ADGRB3: variants seen among roughly 807,000 people sequenced by gnomAD.
ADGRB3 encodes the protein brain-specific angiogenesis inhibitor 3.
Under a neutral mutation model 193.4 loss-of-function variants are expected in ADGRB3, and 37 were observed. The observed-to-expected ratio is 0.19, with a 90% CI of 0.15 to 0.25. The LOEUF (loss-of-function observed/expected upper bound fraction) is 0.25, where lower values mean the gene tolerates loss of function less well. ADGRB3 is among the 10% of genes least tolerant of loss of function. The probability of loss-of-function intolerance (pLI) is 1.00; values close to 1 mark genes in which losing one functional copy is unlikely to be tolerated. For missense variants in ADGRB3, 1,637 were observed against 1,852.9 expected, an observed-to-expected ratio of 0.88 and a Z score of 2.14; for synonymous variants, 690 against 644.2, an observed-to-expected ratio of 1.07 and a Z score of -1.08.
chr6:68,848,512 A>T (rs761596069), intron 3 of ADGRB3, among the ~76,000 whole-genome samples: 8 of 152,072 alleles, frequency 5.3e-5, no homozygotes, highest in Non-Finnish European at 1.0e-4. Context: ...AGTGGCTATG[A>T]TTCTGCATTA....
intron 8 of ADGRB3, among the ~76,000 whole-genome samples, chr6:68,973,081 C>A (rs1204818456): frequency 6.6e-6 from 1 of 152,056 alleles, no homozygotes; most frequent in African/African-American, 2.4e-5. Flanking sequence ...TTAATGGGAA[C>A]ATGGAATAAA....
chr6:69,031,557 T>TTCTTTCTTTCTTTCTTTCTTTCTCTCTC (rs1562129445), intron 13 of ADGRB3, among the ~76,000 whole-genome samples: 1 of 129,086 alleles, frequency 7.7e-6, no homozygotes, highest in Non-Finnish European at 1.7e-5. Flanking sequence ...TTCTTTTTCT[T>TTCTTTCTTTCTTTCTTTCTTTCTCTCTC]TCTTTCTTTT....
intron 17 of ADGRB3, among the ~76,000 whole-genome samples, chr6:69,170,540 A>G (rs1165454597): frequency 6.6e-6 from 1 of 152,168 alleles, no homozygotes; most frequent in Non-Finnish European, 1.5e-5. Context: ...TATCACAGCC[A>G]AGGAATTAAG....
chr6:68,678,758 A>G (rs1283719427), intron 3 of ADGRB3, among the ~76,000 whole-genome samples: 1 of 152,080 alleles, frequency 6.6e-6, no homozygotes, highest in Non-Finnish European at 1.5e-5. Flanking sequence ...GATTTTTGTT[A>G]CGTAAGATTG....
intron 29 of ADGRB3, among the ~76,000 whole-genome samples, chr6:69,366,489 A>T (rs561325719): frequency 6.6e-6 from 1 of 152,152 alleles, no homozygotes; most frequent in African/African-American, 2.4e-5. Context: ...ATTCCCTTTG[A>T]GAAATTATTC....
chr6:69,149,929 T>C (rs1467650900), intron 17 of ADGRB3, among the ~76,000 whole-genome samples: 1 of 67,608 alleles, frequency 1.5e-5, no homozygotes, highest in South Asian at 3.9e-4. Flanking sequence ...TCTTTCTGTG[T>C]GTGTGTGTGT....
At chr6:68,840,367 GTCTTTTTTTTTTTTTTTTT>G (rs1768128747) in intron 3 of ADGRB3, among the ~76,000 whole-genome samples, 1 of 75,542 alleles carries the variant, frequency 1.3e-5, no homozygotes, top group Non-Finnish European at 2.6e-5. Flanking sequence ...GCACTGGGCA[GTCTTTTTTTTTTTTTTTTT>G]TTTTTTTTTT....
intron 30 of ADGRB3, among the ~76,000 whole-genome samples, chr6:69,376,735 C>G (rs1582666451): frequency 6.6e-6 from 1 of 152,152 alleles, no homozygotes; most frequent in East Asian, 1.9e-4. Flanking sequence ...AGACTTCTTC[C>G]TGCGCCATCC....
chr6:68,885,207 C>G (rs945103677), intron 3 of ADGRB3, among the ~76,000 whole-genome samples: 18 of 152,006 alleles, frequency 1.2e-4, no homozygotes, highest in African/African-American at 4.1e-4. Context: ...TGTGATATTT[C>G]AAGACTAACA....
At chr6:69,041,506 G>C (rs1362366589) in intron 13 of ADGRB3, among the ~76,000 whole-genome samples, 3 of 152,048 alleles carry the variant, frequency 2.0e-5, no homozygotes, top group Non-Finnish European at 2.9e-5. Context: ...CTGTCAATTT[G>C]ATACATAAAA....
intron 3 of ADGRB3, among the ~76,000 whole-genome samples, chr6:68,810,935 TAAATGATATA>T (rs1767501473): frequency 1.3e-5 from 2 of 152,174 alleles, no homozygotes; most frequent in African/African-American, 4.8e-5. Flanking sequence ...AATACATTTT[TAAATGATATA>T]AAATGATATA....
chr6:69,331,525 C>G (rs1031227780), intron 23 of ADGRB3: 4 of 985,206 alleles, frequency 4.1e-6, no homozygotes, highest in Non-Finnish European at 3.6e-6. Flanking sequence ...CTGTTTTTTT[C>G]TCCCTTTAAG....
chr6:68,824,810 A>G (rs1767812323), intron 3 of ADGRB3, among the ~76,000 whole-genome samples: 1 of 151,630 alleles, frequency 6.6e-6, no homozygotes, highest in Non-Finnish European at 1.5e-5. Flanking sequence ...TCTATCATTT[A>G]AAAATATTTA....
intron 3 of ADGRB3, among the ~76,000 whole-genome samples, chr6:68,769,943 G>C (rs938923310): frequency 6.6e-6 from 1 of 152,028 alleles, no homozygotes; most frequent in Non-Finnish European, 1.5e-5. Context: ...ACTTCCTGTT[G>C]AAATTAACTG....
At chr6:68,930,226 TA>T (rs1435331856) in intron 3 of ADGRB3, among the ~76,000 whole-genome samples, 1 of 152,154 alleles carries the variant, frequency 6.6e-6, no homozygotes, top group African/African-American at 2.4e-5. Flanking sequence ...ATTCTCTCTC[TA>T]AAAAAACAAC....
chr6:69,117,345 T>C (rs1773563486), intron 17 of ADGRB3, among the ~76,000 whole-genome samples: 1 of 152,214 alleles, frequency 6.6e-6, no homozygotes. Flanking sequence ...AGTAGGTGGA[T>C]TGAAAAGTAT....
rs938178551 is a variant in ADGRB3 at position 69,116,936 on chromosome 6, G to A, written c.2480+40898G>A. 2.6e-5 allele frequency among the ~76,000 whole-genome samples: 4 copies of A among 152,056 alleles called. No individual in the cohort carries two copies. The South Asian group carries it at 8.3e-4, about 32-fold the overall frequency. On this transcript the variant is annotated intron_variant, in intron 17 of 31. Coordinates refer to ENST00000370598, the MANE Select transcript of ADGRB3 (RefSeq NM_001704.3). ...GTTCTTGGCTGGTGGGCCTCTGTGT[G>A]GCCAGCTTCCTAGATACCCCTTTCT...
At chr6:69,311,189 A>G (rs997554821) in intron 20 of ADGRB3, among the ~76,000 whole-genome samples, 3 of 151,790 alleles carry the variant, frequency 2.0e-5, no homozygotes, top group Non-Finnish European at 4.4e-5. Flanking sequence ...AATTGCTTCC[A>G]TAGAGCTACT....
At chr6:69,239,988 G>C (rs531232676) in intron 20 of ADGRB3, among the ~76,000 whole-genome samples, 1 of 151,880 alleles carries the variant, frequency 6.6e-6, no homozygotes, top group Non-Finnish European at 1.5e-5. Context: ...ATGCCTGCAG[G>C]CCTGTTATTT....
Sources: gnomAD v4.1 joint callset for allele counts (sites outside exome capture counted in the v4.1 genomes callset) on GRCh38, gnomAD v4.1.1 for gene constraint, MANE v1.5 for transcripts, NCBI Gene and HGNC (gene_info 2026-07-23, HGNC 2026-07-21) for gene names.